GPR39: variants seen among roughly 807,000 people sequenced by gnomAD.
The protein encoded by GPR39 is G protein-coupled receptor 39.
GPR39 carries 23 observed loss-of-function variants against 18.4 expected under a neutral mutation model. That is an observed-to-expected ratio of 1.25 (90% CI 0.90 to 1.77). The LOEUF is 1.77. GPR39 is among the 40% of genes most tolerant of loss of function. The pLI is 0.00. For missense variants in GPR39, 647 were observed against 602.4 expected, an observed-to-expected ratio of 1.07 and a Z score of -0.78; for synonymous variants, 280 against 257.9, an observed-to-expected ratio of 1.09 and a Z score of -0.82.
intron 1 of GPR39, among the ~76,000 whole-genome samples, chr2:132,554,437 C>T (rs1680107284): frequency 6.6e-6 from 1 of 152,182 alleles, no homozygotes; most frequent in Admixed American, 6.5e-5. Flanking sequence ...TGCAGTTTCA[C>T]ACCAGGAAAA....
rs530234820 is a variant in GPR39 at position 132,565,029 on chromosome 2, G to A, written c.857-80072G>A. On this transcript the variant is annotated intron_variant, in intron 1 of 1. Coordinates refer to ENST00000329321, the MANE Select transcript of GPR39 (RefSeq NM_001508.3). ...AGATCGGGTATCACCATGTTGGCCA[G>A]GATGGTCTCGAACTCCTGACCTCAG... 2.0e-4 allele frequency among the ~76,000 whole-genome samples: 31 copies of A among 151,736 alleles called. No homozygotes were observed. The Middle Eastern group carries it at 0.02, about 100-fold the overall frequency.
chr2:132,504,903 A>G (rs1031679383), intron 1 of GPR39, among the ~76,000 whole-genome samples: 1 of 152,240 alleles, frequency 6.6e-6, no homozygotes, highest in African/African-American at 2.4e-5. Context: ...GACCTATTCT[A>G]TATTTGGAGT....
intron 1 of GPR39, among the ~76,000 whole-genome samples, chr2:132,469,184 C>T (rs1173378041): frequency 6.6e-6 from 1 of 152,170 alleles, no homozygotes; most frequent in Non-Finnish European, 1.5e-5. Flanking sequence ...GGCCAGAGGC[C>T]CAGTTCCATC....
At chr2:132,634,209 G>C (rs1295549275) in intron 1 of GPR39, among the ~76,000 whole-genome samples, 1 of 152,090 alleles carries the variant, frequency 6.6e-6, no homozygotes, top group African/African-American at 2.4e-5. Flanking sequence ...GATGATTCTG[G>C]AGGTGAGATG....
At chr2:132,439,070 T>C (rs1041785549) in intron 1 of GPR39, among the ~76,000 whole-genome samples, 1 of 152,206 alleles carries the variant, frequency 6.6e-6, no homozygotes, top group African/African-American at 2.4e-5. Flanking sequence ...AGCTTTCTGT[T>C]TCTCCAACAT....
At chr2:132,512,397 C>G (rs1679257437) in intron 1 of GPR39, among the ~76,000 whole-genome samples, 1 of 152,120 alleles carries the variant, frequency 6.6e-6, no homozygotes, top group African/African-American at 2.4e-5. Context: ...GGGGGTACAG[C>G]CCCCTTCTCC....
At chr2:132,607,167 A>G (rs751251791) in intron 1 of GPR39, among the ~76,000 whole-genome samples, 24 of 152,224 alleles carry the variant, frequency 1.6e-4, no homozygotes, top group Middle Eastern at 3.2e-3. Flanking sequence ...TGGGATCTCA[A>G]GTATCAGCCT....
At position 132,474,214 on chromosome 2, in the gene GPR39, G is replaced by T. The variant is rs75056102; in HGVS notation, c.856+56316G>T. Among the ~76,000 whole-genome samples the T allele has an allele frequency of 1.4e-4, 21 of 152,312 alleles. No homozygotes were observed. In the East Asian group the frequency reaches 3.7e-3, roughly 27 times the overall value. On this transcript the variant is annotated intron_variant, in intron 1 of 1. Transcript: ENST00000329321. Reference sequence around the variant, plus strand: ...TTACCCAGCAAATGTTTTCTTTGGGGTGATAATTAGAGGCATATTTTCTGC... The same window carrying T: ...TTACCCAGCAAATGTTTTCTTTGGGTTGATAATTAGAGGCATATTTTCTGC...
intron 1 of GPR39, among the ~76,000 whole-genome samples, chr2:132,452,752 T>A (rs918568200): frequency 6.6e-6 from 1 of 152,060 alleles, no homozygotes; most frequent in Non-Finnish European, 1.5e-5. Context: ...CTTGTGATAG[T>A]TAGCGGAGAA....
At chr2:132,623,542 C>T (rs555866570) in intron 1 of GPR39, among the ~76,000 whole-genome samples, 39 of 152,314 alleles carry the variant, frequency 2.6e-4, no homozygotes, top group South Asian at 6.2e-4. Context: ...CCCTTTTCCT[C>T]GCCCTGCCCT....
At chr2:132,494,122 A>G (rs964497086) in intron 1 of GPR39, among the ~76,000 whole-genome samples, 5 of 151,934 alleles carry the variant, frequency 3.3e-5, no homozygotes, top group African/African-American at 9.7e-5. Flanking sequence ...TCTTTAAGGA[A>G]CCTTGATTGT....
chr2:132,580,960 C>CAAAAAA lies in GPR39; in HGVS notation c.857-64134_857-64129dup, dbSNP rs538565776. ...CTGGCAACAGAGTGGGACTCTGTCT[C>CAAAAAA]AAAAAAAAAAAACAAAAAAAAAAAC... On this transcript the variant is annotated intron_variant, in intron 1 of 1. Coordinates refer to ENST00000329321, the MANE Select transcript of GPR39 (RefSeq NM_001508.3). Among the ~76,000 whole-genome samples the CAAAAAA allele has an allele frequency of 2.4e-4, 13 of 55,298 alleles. 1 individual carries two copies. The highest frequency in any genetic ancestry group is 6.2e-4 in the African/African-American group (11 of 17,790). The allele number at this position is 55,298 out of a possible 152,430, so 36.3% of individuals were successfully genotyped here.
chr2:132,598,575 C>A, intron 1 of GPR39, among the ~76,000 whole-genome samples: 1 of 151,524 alleles, frequency 6.6e-6, no homozygotes, highest in East Asian at 1.9e-4. Flanking sequence ...ATTCCTTGTT[C>A]TAGAGTTTAG....
intron 1 of GPR39, among the ~76,000 whole-genome samples, chr2:132,493,456 C>CAT (rs796146987): frequency 8.5e-5 from 12 of 141,022 alleles, no homozygotes; most frequent in South Asian, 4.5e-4. Context: ...ATATACACAC[C>CAT]ATATATATAT....
At chr2:132,583,920 T>A (rs79917729) in intron 1 of GPR39, among the ~76,000 whole-genome samples, 2,253 of 152,132 alleles carry the variant, frequency 0.015, 61 homozygotes, top group African/African-American at 0.051. Context: ...GTGAGAACTA[T>A]GTGGTCCCTT....
intron 1 of GPR39, among the ~76,000 whole-genome samples, chr2:132,461,320 G>C (rs1303499271): frequency 6.6e-6 from 1 of 152,116 alleles, no homozygotes; most frequent in Non-Finnish European, 1.5e-5. Context: ...GTTACCACCG[G>C]CAGTTTTTTC....
intron 1 of GPR39, among the ~76,000 whole-genome samples, chr2:132,558,717 G>C (rs1680197353): frequency 6.6e-6 from 1 of 152,134 alleles, no homozygotes; most frequent in Non-Finnish European, 1.5e-5. Flanking sequence ...GTTCTGGAAG[G>C]TTATTTTTAT....
At chr2:132,590,279 G>A (rs747451961) in intron 1 of GPR39, among the ~76,000 whole-genome samples, 7 of 152,144 alleles carry the variant, frequency 4.6e-5, no homozygotes, top group Non-Finnish European at 1.0e-4. Flanking sequence ...GAAATCTAAG[G>A]AATGAGAATG....
intron 1 of GPR39, among the ~76,000 whole-genome samples, chr2:132,521,854 G>A (rs538586904): frequency 7.9e-5 from 12 of 152,076 alleles, no homozygotes; most frequent in Non-Finnish European, 1.5e-4. Flanking sequence ...CATTTGATTG[G>A]GTTTCCTTTT....
Sources: gnomAD v4.1 joint callset for allele counts (sites outside exome capture counted in the v4.1 genomes callset) on GRCh38, gnomAD v4.1.1 for gene constraint, MANE v1.5 for transcripts, NCBI Gene and HGNC (gene_info 2026-07-23, HGNC 2026-07-21) for gene names.